The following OR52I2 variants were observed in gnomAD, a reference collection of about 807,000 sequenced individuals.
OR52I2 encodes the protein olfactory receptor 52I2.
For synonymous variants in OR52I2, 147 were observed against 151.9 expected, an observed-to-expected ratio of 0.97 and a Z score of 0.24; for missense variants, 350 against 402.4, an observed-to-expected ratio of 0.87 and a Z score of 1.11.
At chr11:4,590,012 T>C (rs760490493) in exon 2 of OR52I2, 4 of 152,150 alleles carry the variant, frequency 2.6e-5, no homozygotes, top group African/African-American at 4.8e-5. Flanking sequence ...CCCCACAGTA[T>C]TGAAGGCAAA....
exon 2 of OR52I2, chr11:4,587,589 C>T: frequency 1.9e-6 from 3 of 1,614,058 alleles, no homozygotes; most frequent in Non-Finnish European, 2.5e-6. Flanking sequence ...TTGGTCTCTC[C>T]TCAAAGACTG....
chr11:4,582,038 T>C (rs1387953534), intron 1 of OR52I2, among the ~76,000 whole-genome samples, 174 bp downstream of exon 1: 1 of 152,166 alleles, frequency 6.6e-6, no homozygotes, highest in East Asian at 1.9e-4. Context: ...ATGGAAATGA[T>C]GTTTGGATGA....
At chr11:4,582,357 CTCACAGG>C (rs1846263346) in intron 1 of OR52I2, among the ~76,000 whole-genome samples, 1 of 151,898 alleles carries the variant, frequency 6.6e-6, no homozygotes, top group Non-Finnish European at 1.5e-5. Context: ...ATGAAAAATC[CTCACAGG>C]TCTTGTGCTT....
exon 2 of OR52I2, chr11:4,592,142 C>T (rs1404466873): frequency 6.6e-6 from 1 of 152,154 alleles, no homozygotes; most frequent in Non-Finnish European, 1.5e-5. Flanking sequence ...AAACCGTCTT[C>T]TGTTTTACTA....
chr11:4,591,787 G>C (rs943379024), exon 2 of OR52I2: 3 of 152,148 alleles, frequency 2.0e-5, no homozygotes, highest in African/African-American at 7.2e-5. Context: ...AGCTATGCTT[G>C]GCTTTCTTAT....
chr11:4,586,354 C>T (rs904967344), intron 1 of OR52I2, among the ~76,000 whole-genome samples: 1 of 152,058 alleles, frequency 6.6e-6, no homozygotes, highest in Non-Finnish European at 1.5e-5. Context: ...AGTAACTGAG[C>T]GTACAGAGAT....
chr11:4,587,874 T>C (rs907460687), exon 2 of OR52I2: 3 of 1,604,456 alleles, frequency 1.9e-6, no homozygotes, highest in African/African-American at 1.3e-5. Context: ...GAACACAATA[T>C]CTGTTCAGAT....
At chr11:4,588,217 G>A (rs940339921) in exon 2 of OR52I2, 17 of 252,416 alleles carry the variant, frequency 6.7e-5, no homozygotes, top group African/African-American at 1.1e-4. Context: ...AACAAAGACC[G>A]CTCACCATTC....
At chr11:4,587,457 C>T (rs1846314527) in exon 2 of OR52I2, 2 of 1,614,182 alleles carry the variant, frequency 1.2e-6, no homozygotes. Context: ...TAGCTTTGGC[C>T]AGGTTAGCAT....
exon 2 of OR52I2, chr11:4,590,509 A>T (rs1846342893): frequency 6.6e-6 from 1 of 152,234 alleles, no homozygotes; most frequent in Non-Finnish European, 1.5e-5. Flanking sequence ...TTAAAAAGAA[A>T]AACACTCTCA....
chr11:4,584,556 T>C (rs150531771), intron 1 of OR52I2, among the ~76,000 whole-genome samples: 94 of 152,304 alleles, frequency 6.2e-4, no homozygotes, highest in African/African-American at 2.1e-3. Context: ...AGTTGTTATA[T>C]GACAGCAGAA....
chr11:4,589,072 A>G (rs1366120026), exon 2 of OR52I2: 1 of 152,226 alleles, frequency 6.6e-6, no homozygotes, highest in Admixed American at 6.5e-5. Flanking sequence ...AAACTTGAAG[A>G]AACAGACTCT....
chr11:4,589,353 A>G (rs1846333742), exon 2 of OR52I2: 1 of 152,230 alleles, frequency 6.6e-6, no homozygotes, highest in Non-Finnish European at 1.5e-5. Context: ...GGTATCCTGT[A>G]TTAACCCCTC....
intron 1 of OR52I2, among the ~76,000 whole-genome samples, chr11:4,583,965 G>C (rs2566255): frequency 0.85 from 129,949 of 152,214 alleles, 57,032 homozygotes; most frequent in East Asian, 1. Context: ...TTGGCTAACA[G>C]AGAAAATGTC....
chr11:4,586,126 G>A (rs528187210), intron 1 of OR52I2, among the ~76,000 whole-genome samples: 1 of 152,206 alleles, frequency 6.6e-6, no homozygotes, highest in Non-Finnish European at 1.5e-5. Flanking sequence ...GGATATTCAG[G>A]GCAAAGTTTA....
chr11:4,592,912 T>G (rs1042050858), exon 2 of OR52I2: 2 of 152,214 alleles, frequency 1.3e-5, no homozygotes, highest in Non-Finnish European at 2.9e-5. Flanking sequence ...ATAGTTGTCT[T>G]GTTGACTATT....
intron 1 of OR52I2, among the ~76,000 whole-genome samples, chr11:4,582,936 G>A (rs185640393): frequency 6.6e-6 from 1 of 152,212 alleles, no homozygotes; most frequent in Admixed American, 6.5e-5. Context: ...GTGTGTTCAT[G>A]TGTTCACATT....
At chr11:4,582,433 C>CCTTTTTTTTTTTTT (rs1564859030) in intron 1 of OR52I2, among the ~76,000 whole-genome samples, 1 of 74,664 alleles carries the variant, frequency 1.3e-5, no homozygotes, top group Non-Finnish European at 2.6e-5. Context: ...ATTTATTTTT[C>CCTTTTTTTTTTTTT]ATTTTTTTTT....
exon 2 of OR52I2, chr11:4,593,303 C>A (rs1467539871): frequency 6.5e-6 from 1 of 153,388 alleles, no homozygotes; most frequent in Non-Finnish European, 1.4e-5. Context: ...ATTAACTGAA[C>A]CAAAGTGAAT....
Sources: gnomAD v4.1 joint callset for allele counts (sites outside exome capture counted in the v4.1 genomes callset) on GRCh38, gnomAD v4.1.1 for gene constraint, MANE v1.5 for transcripts, NCBI Gene and HGNC (gene_info 2026-07-23, HGNC 2026-07-21) for gene names.